Variants in TOX observed in about 807,000 individuals in gnomAD.
TOX encodes thymocyte selection-associated high mobility group box protein TOX.
Under a neutral mutation model 53.7 loss-of-function variants are expected in TOX, and 11 were observed. The ratio of observed to expected loss-of-function variants is 0.20; its 90% confidence interval spans 0.13 to 0.34. TOX has a LOEUF of 0.34. TOX is among the 10% of genes least tolerant of loss of function. TOX has a pLI of 1.00. For missense variants in TOX, 570 were observed against 664.6 expected (o/e 0.86, Z 1.56); for synonymous variants, 225 against 245.3 (o/e 0.92, Z 0.77).
chr8:58,994,444 T>C (rs927168546), intron 1 of TOX, among the ~76,000 whole-genome samples: 2 of 151,450 alleles, frequency 1.3e-5, no homozygotes, highest in African/African-American at 4.9e-5. Context: ...GTGTGTATTT[T>C]TTTTTTTTAA....
intron 4 of TOX, among the ~76,000 whole-genome samples, chr8:58,847,586 G>C (rs73243060): frequency 6.6e-6 from 1 of 151,894 alleles, no homozygotes; most frequent in Non-Finnish European, 1.5e-5. Flanking sequence ...CATGAGAAGG[G>C]AGCAAGAATG....
chr8:58,918,990 A>G (rs1464491391), intron 3 of TOX, among the ~76,000 whole-genome samples: 1 of 148,956 alleles, frequency 6.7e-6, no homozygotes, highest in African/African-American at 2.5e-5. Context: ...TAGGAATCCA[A>G]CTTACAAGGG....
At chr8:59,115,782 C>T (rs183773834) in intron 1 of TOX, among the ~76,000 whole-genome samples, 1 of 152,068 alleles carries the variant, frequency 6.6e-6, no homozygotes, top group African/African-American at 2.4e-5. Flanking sequence ...CACACACTTG[C>T]CTTAACCAAC....
chr8:59,066,707 T>A (rs1804100367), intron 1 of TOX, among the ~76,000 whole-genome samples: 1 of 152,174 alleles, frequency 6.6e-6, no homozygotes, highest in African/African-American at 2.4e-5. Flanking sequence ...AACTGAACTG[T>A]AGTATGAAGG....
chr8:58,862,827 T>G (rs773126158), intron 3 of TOX, among the ~76,000 whole-genome samples: 1 of 152,176 alleles, frequency 6.6e-6, no homozygotes, highest in Non-Finnish European at 1.5e-5. Flanking sequence ...CTCTATCCTG[T>G]AACTTGGTGA....
At chr8:59,011,458 T>C (rs1249165776) in intron 1 of TOX, among the ~76,000 whole-genome samples, 1 of 152,214 alleles carries the variant, frequency 6.6e-6, no homozygotes, top group African/African-American at 2.4e-5. Context: ...CTATGTTTGT[T>C]TTTTGAGAGA....
chr8:58,998,005 G>C (rs1019357479), intron 1 of TOX, among the ~76,000 whole-genome samples: 5 of 151,986 alleles, frequency 3.3e-5, no homozygotes, highest in African/African-American at 1.2e-4. Flanking sequence ...TGTTAGCCAG[G>C]ATGGTCTCGA....
chr8:58,969,227 A>T (rs886734866), intron 1 of TOX, among the ~76,000 whole-genome samples: 1 of 152,170 alleles, frequency 6.6e-6, no homozygotes, highest in Non-Finnish European at 1.5e-5. Context: ...TCCATTTTTT[A>T]AGAGATATTT....
At chr8:59,110,241 G>A (rs1473885476) in intron 1 of TOX, among the ~76,000 whole-genome samples, 1 of 152,100 alleles carries the variant, frequency 6.6e-6, no homozygotes, top group Non-Finnish European at 1.5e-5. Flanking sequence ...TATGATTAAT[G>A]TTCATGACTG....
Position 58,815,335 on chromosome 8 carries a change from T to C in TOX, c.1392+3A>G. ...ACTCTAAGTCCAGAGCCATTGCACT[T>C]ACTTGCTGCATGGTGGGTGAGTGTA... On this transcript the variant is annotated splice_donor_region_variant and intron_variant, in intron 7 of 8. Coordinates refer to ENST00000361421, the MANE Select transcript of TOX (RefSeq NM_014729.3). 6.3e-7 allele frequency: 1 copy of C among 1,589,466 alleles called. No individual in the cohort carries two copies. The highest frequency in any genetic ancestry group is 1.2e-5 in the South Asian group (1 of 86,302).
chr8:58,979,470 A>G (rs956740445), intron 1 of TOX, among the ~76,000 whole-genome samples: 1 of 152,236 alleles, frequency 6.6e-6, no homozygotes, highest in African/African-American at 2.4e-5. Flanking sequence ...TTTTTGTCTC[A>G]GTGATCTAAT....
chr8:58,931,127 A>G (rs1812247324), intron 3 of TOX, among the ~76,000 whole-genome samples: 1 of 152,186 alleles, frequency 6.6e-6, no homozygotes, highest in Admixed American at 6.5e-5. Flanking sequence ...AGAAACCAAC[A>G]CAGCAAGAGT....
At chr8:59,108,179 C>T (rs1290627106) in intron 1 of TOX, among the ~76,000 whole-genome samples, 2 of 152,206 alleles carry the variant, frequency 1.3e-5, no homozygotes, top group Non-Finnish European at 2.9e-5. Context: ...AACCTTAATG[C>T]TTTCCCTGAA....
rs140937626 is a variant in TOX, at chr8:59,024,790, C to T, written c.103-64782G>A. 3.7e-4 allele frequency among the ~76,000 whole-genome samples: 57 copies of T among 152,156 alleles called. No individual in the cohort carries two copies. In the East Asian group the frequency reaches 8.9e-3, roughly 24 times the overall value. ...AAGTGTCTGAGCTCTGGAAAAGCGG[C>T]CGTGTGATTATCCCATACAATTTAC... On this transcript the variant is annotated intron_variant, in intron 1 of 8. Transcript: ENST00000361421.
intron 3 of TOX, among the ~76,000 whole-genome samples, chr8:58,906,395 C>T (rs1201270839): frequency 2.0e-5 from 3 of 152,212 alleles, no homozygotes; most frequent in Non-Finnish European, 4.4e-5. Context: ...GATGCTGAAG[C>T]ATCAGATGTA....
At chr8:59,013,699 G>A (rs567137664) in intron 1 of TOX, among the ~76,000 whole-genome samples, 1 of 152,290 alleles carries the variant, frequency 6.6e-6, no homozygotes, top group Non-Finnish European at 1.5e-5. Flanking sequence ...GTGAGCCAGC[G>A]CACCTGGCCA....
chr8:58,915,688 C>A (rs1441404076), intron 3 of TOX, among the ~76,000 whole-genome samples: 4 of 151,316 alleles, frequency 2.6e-5, no homozygotes, highest in African/African-American at 9.7e-5. Flanking sequence ...AGCAATGGAA[C>A]AAAGCTGGAT....
chr8:59,030,662 G>A (rs1045751785), intron 1 of TOX, among the ~76,000 whole-genome samples: 1 of 152,134 alleles, frequency 6.6e-6, no homozygotes, highest in Admixed American at 6.6e-5. Context: ...TAACATCTAG[G>A]TTACTGAGGC....
intron 8 of TOX, 128 bp from the exon 9 acceptor site, chr8:58,807,911 T>C: frequency 7.5e-7 from 1 of 1,330,402 alleles, no homozygotes; most frequent in Non-Finnish European, 1.1e-6. Context: ...TGCAATTAGT[T>C]AACCTACATC....
Sources: allele counts gnomAD v4.1 joint callset (sites outside exome capture counted in the v4.1 genomes callset), GRCh38; gene constraint gnomAD v4.1.1; transcripts MANE v1.5; gene names NCBI Gene and HGNC (gene_info 2026-07-23, HGNC 2026-07-21).